The following SVIL variants were observed in gnomAD, a reference collection of about 807,000 sequenced individuals.
SVIL encodes archvillin.
Under a neutral mutation model 240.4 loss-of-function variants are expected in SVIL, and 101 were observed. That is an observed-to-expected ratio of 0.42 (90% CI 0.36 to 0.50). The LOEUF (loss-of-function observed/expected upper bound fraction) is 0.50. Ranked by LOEUF, SVIL falls within the 20% of genes least tolerant of loss-of-function variation. The pLI is 0.01. For missense variants in SVIL, 2,512 were observed against 2,818.7 expected (o/e 0.89, Z 2.46); for synonymous variants, 999 against 1,100.0 (o/e 0.91, Z 1.82).
At chr10:29,555,155 G>A in intron 3 of SVIL, 47 bp from the exon 4 acceptor site, 3 of 1,512,410 alleles carry the variant, frequency 2.0e-6, no homozygotes, top group Non-Finnish European at 2.7e-6. Context: ...TAGTAGTCGT[G>A]CGCTCATTTT....
At chr10:29,506,380 C>G (rs1949274277) in intron 17 of SVIL, among the ~76,000 whole-genome samples, 1 of 152,022 alleles carries the variant, frequency 6.6e-6, no homozygotes, top group Non-Finnish European at 1.5e-5. Context: ...GGGAAGGAAC[C>G]AGGAGAGTGA....
chr10:29,696,623 G>A (rs1347993135), intron 1 of SVIL, among the ~76,000 whole-genome samples: 3 of 151,012 alleles, frequency 2.0e-5, no homozygotes, highest in Admixed American at 2.0e-4. Flanking sequence ...GGGATGTGAG[G>A]AGCGCCTCGG....
At chr10:29,565,272 T>C (rs1256494146) in intron 2 of SVIL, among the ~76,000 whole-genome samples, 1 of 152,212 alleles carries the variant, frequency 6.6e-6, no homozygotes, top group Non-Finnish European at 1.5e-5. Context: ...AATACTCCGC[T>C]GAATTTACAG....
At chr10:29,529,610 C>T in intron 12 of SVIL, 95 bp downstream of exon 12, 1 of 1,390,900 alleles carries the variant, frequency 7.2e-7, no homozygotes, top group Non-Finnish European at 9.4e-7. Context: ...GCTAAATCAC[C>T]TCCCCAATGC....
At chr10:29,555,517 A>C (rs1953842213) in intron 3 of SVIL, among the ~76,000 whole-genome samples, 1 of 152,210 alleles carries the variant, frequency 6.6e-6, no homozygotes, top group Admixed American at 6.5e-5. Context: ...TAATTTAAAT[A>C]GAATGTTTTG....
intron 2 of SVIL, among the ~76,000 whole-genome samples, chr10:29,664,623 A>G (rs1376829484): frequency 6.6e-6 from 1 of 152,176 alleles, no homozygotes; most frequent in Non-Finnish European, 1.5e-5. Flanking sequence ...AAAATGTCAA[A>G]TCAACAAAAC....
chr10:29,617,278 G>A (rs186563215), intron 1 of SVIL, among the ~76,000 whole-genome samples: 4 of 152,210 alleles, frequency 2.6e-5, no homozygotes, highest in Non-Finnish European at 2.9e-5. Context: ...ATTCTTTTCT[G>A]CTGTGAACCT....
chr10:29,616,876 C>T (rs778637423), intron 1 of SVIL, among the ~76,000 whole-genome samples: 2 of 152,194 alleles, frequency 1.3e-5, no homozygotes, highest in East Asian at 1.9e-4. Flanking sequence ...GCCCACGCCA[C>T]GAAGCATGGC....
At chr10:29,664,166 A>G (rs371028143) in intron 2 of SVIL, among the ~76,000 whole-genome samples, 21 of 152,314 alleles carry the variant, frequency 1.4e-4, no homozygotes, top group African/African-American at 3.1e-4. Flanking sequence ...ATTCAAGGAT[A>G]TGGTATTAAC....
chr10:29,568,016 CA>C (rs796422925), intron 2 of SVIL, among the ~76,000 whole-genome samples: 18,709 of 83,522 alleles, frequency 0.22, 1,693 homozygotes, highest in African/African-American at 0.42. Context: ...GACTCCGTCT[CA>C]AAAAAAAAAA....
intron 1 of SVIL, among the ~76,000 whole-genome samples, chr10:29,605,199 G>A (rs1358144857): frequency 6.6e-6 from 1 of 152,196 alleles, no homozygotes; most frequent in Non-Finnish European, 1.5e-5. Flanking sequence ...GTATTTTACT[G>A]TACGCAGGGT....
chr10:29,674,662 C>T (rs750039357), intron 2 of SVIL, among the ~76,000 whole-genome samples: 24 of 152,258 alleles, frequency 1.6e-4, no homozygotes, highest in African/African-American at 3.9e-4. Flanking sequence ...TGACTATGTA[C>T]GTGGTGACTT....
intron 1 of SVIL, among the ~76,000 whole-genome samples, chr10:29,593,029 G>A (rs891870298): frequency 5.3e-5 from 8 of 152,098 alleles, no homozygotes; most frequent in African/African-American, 1.9e-4. Flanking sequence ...AGGTCACATT[G>A]AAAGCTATCA....
At chr10:29,459,616 A>AT (rs965291149) in intron 36 of SVIL, among the ~76,000 whole-genome samples, 146 of 152,304 alleles carry the variant, frequency 9.6e-4, no homozygotes, top group Non-Finnish European at 1.6e-3. Flanking sequence ...AGCAGAATCA[A>AT]TTTTTTTGTT....
intron 3 of SVIL, among the ~76,000 whole-genome samples, chr10:29,651,432 A>C (rs1309792933): frequency 6.6e-6 from 1 of 152,114 alleles, no homozygotes; most frequent in Non-Finnish European, 1.5e-5. Context: ...GGCAACATCC[A>C]TCTTGGCAAT....
chr10:29,695,826 C>CG (rs1328436476), intron 1 of SVIL, among the ~76,000 whole-genome samples: 2 of 120,080 alleles, frequency 1.7e-5, no homozygotes, highest in African/African-American at 6.8e-5. Context: ...TCCCGTCTCC[C>CG]TCTCCCTCTC....
intron 1 of SVIL, among the ~76,000 whole-genome samples, chr10:29,572,250 C>A (rs916783333): frequency 2.0e-5 from 3 of 151,990 alleles, no homozygotes; most frequent in Non-Finnish European, 4.4e-5. Flanking sequence ...GCATTTTTGC[C>A]ATTTTTCTCT....
In SVIL at chr10:29,532,857, G is replaced by C; in HGVS notation, c.1510C>G (p.His504Asp). 2 of 1,614,154 alleles carry C rather than the reference G, an allele frequency of 1.2e-6. No homozygotes were observed. Among genetic ancestry groups the C allele is most frequent in the Non-Finnish European group, 8.5e-7 (1 of 1,180,048 alleles). Reference protein sequence around the residue: ...ENVAQPPQAPHQPTERTGRSE... With the variant: ...ENVAQPPQAPDQPTERTGRSE... ...CTGCCTGTCCTCTCAGTGGGCTGGT[G>C]CGGAGCTTGAGGGGGTTGTGCCACG... The change falls in exon 8 of 38, where the codon CAC (histidine) becomes GAC (aspartate). Residue 504 changes from histidine (H) to aspartate (D), a missense_variant. His to Asp is a moderately conservative substitution (Grantham distance 81). Coordinates refer to ENST00000355867, the MANE Select transcript of SVIL (RefSeq NM_021738.3).
intron 29 of SVIL, among the ~76,000 whole-genome samples, chr10:29,478,873 C>T (rs1404064147): frequency 8.7e-5 from 12 of 137,696 alleles, no homozygotes; most frequent in African/African-American, 2.7e-4. Flanking sequence ...TGCAGTGAGC[C>T]GAGATTCTGC....
Sources: gnomAD v4.1 joint callset for allele counts (sites outside exome capture counted in the v4.1 genomes callset) on GRCh38, gnomAD v4.1.1 for gene constraint, MANE v1.5 for transcripts, NCBI Gene and HGNC (gene_info 2026-07-23, HGNC 2026-07-21) for gene names.